Variants in TLE3 observed in about 807,000 individuals in gnomAD.
TLE3 encodes TLE family member 3, transcriptional corepressor, also known as transducin-like enhancer protein 3.
TLE3 carries 14 observed loss-of-function variants against 93.0 expected under a neutral mutation model. The observed-to-expected ratio is 0.15, with a 90% confidence interval of 0.10 to 0.24. The LOEUF is 0.24. Among genes scored for constraint, TLE3 ranks in the 10% least tolerant of loss-of-function variants. TLE3 has a pLI of 1.00. For missense variants in TLE3, 693 were observed against 1,046.6 expected, an observed-to-expected ratio of 0.66 and a Z score of 4.66; for synonymous variants, 451 against 425.0, an observed-to-expected ratio of 1.06 and a Z score of -0.75.
chr15:70,095,569 G>C lies in TLE3; in HGVS notation c.189+9C>G, dbSNP rs2058515720. On this transcript the variant is annotated intron_variant, in intron 3 of 19. Coordinates refer to ENST00000451782, the MANE Select transcript of TLE3 (RefSeq NM_001105192.3). ...CCAACCGCCCCCCAGGCCCGCGGCC[G>C]CATCTCACCATCACATAATGGCGCT... 1 of 1,550,272 alleles carries C rather than the reference G, an allele frequency of 6.5e-7. No homozygotes were observed. The highest frequency in any genetic ancestry group is 8.7e-7 in the Non-Finnish European group (1 of 1,146,306).
intron 4 of TLE3, among the ~76,000 whole-genome samples, chr15:70,076,707 A>G (rs1471218876): frequency 6.6e-6 from 1 of 151,954 alleles, no homozygotes; most frequent in Non-Finnish European, 1.5e-5. Context: ...AAATCCTACC[A>G]TTAAGCCTTC....
At chr15:70,059,329 CAG>C in intron 10 of TLE3, 79 bp downstream of exon 10, 1 of 1,500,964 alleles carries the variant, frequency 6.7e-7, no homozygotes, top group South Asian at 1.2e-5. Flanking sequence ...CTAGAACAGA[CAG>C]AATAGATCCC....
At chr15:70,092,919 T>C (rs538449301) in intron 4 of TLE3, among the ~76,000 whole-genome samples, 2 of 152,168 alleles carry the variant, frequency 1.3e-5, no homozygotes, top group East Asian at 3.9e-4. Flanking sequence ...TGGGTGCAAT[T>C]ACCCTCTTTA....
At chr15:70,090,777 C>T (rs929571949) in intron 4 of TLE3, among the ~76,000 whole-genome samples, 3 of 152,168 alleles carry the variant, frequency 2.0e-5, no homozygotes, top group Admixed American at 2.0e-4. Flanking sequence ...ATTATTATTA[C>T]ACACATCAAA....
chr15:70,081,040 A>T (rs182973099), intron 4 of TLE3, among the ~76,000 whole-genome samples: 72 of 152,282 alleles, frequency 4.7e-4, no homozygotes, highest in African/African-American at 1.7e-3. Context: ...CAGCCAAATA[A>T]AGGCAAGGAG....
intron 8 of TLE3, among the ~76,000 whole-genome samples, chr15:70,062,340 C>T (rs2056540326): frequency 1.3e-5 from 2 of 152,236 alleles, no homozygotes; most frequent in African/African-American, 4.8e-5. Context: ...AGCAGAAATG[C>T]TTCCAGCCCC....
In TLE3 at chr15:70,096,965, C is replaced by A; in HGVS notation, c.-167G>T. On this transcript the variant is annotated 5_prime_UTR_variant, in exon 1 of 20. Transcript: ENST00000451782. ...GCAGCGAAATCCCAGAGTCGGGCGC[C>A]CGCCCCAAGTGGAGACAAAGAGCCG... 1 of 809,344 alleles carries A rather than the reference C, an allele frequency of 1.2e-6. No homozygotes were observed. The highest frequency in any genetic ancestry group is 2.2e-5 in the Admixed American group (1 of 45,222). The allele number at this position is 809,344 out of a possible 1,614,324, so 50.1% of individuals were successfully genotyped here. A position where few individuals can be genotyped will look rare whatever the true frequency, so the allele number is the denominator to read the frequency against.
At chr15:70,060,417 T>C in intron 9 of TLE3, 113 bp downstream of exon 9, 1 of 1,429,138 alleles carries the variant, frequency 7.0e-7, no homozygotes. Context: ...CAACCTGTGC[T>C]TCTCTGACTC....
At chr15:70,077,073 G>A (rs779385575) in intron 4 of TLE3, among the ~76,000 whole-genome samples, 33 of 152,334 alleles carry the variant, frequency 2.2e-4, no homozygotes, top group Non-Finnish European at 4.1e-4. Context: ...GCTCAGAGAT[G>A]TAATTCATTA....
At position 70,058,118 on chromosome 15, in the gene TLE3, C is replaced by T. The variant is rs2291982; in HGVS notation, c.1051+41G>A. The stretch of plus-strand genomic sequence containing the variant: ...CTGGCCAAGAGCAGACCCCCTCCCC[C>T]CAATCAGATTAACCCAGCCCATGGT... On this transcript the variant is annotated intron_variant, in intron 12 of 19. Coordinates refer to ENST00000451782, the MANE Select transcript of TLE3 (RefSeq NM_001105192.3). This position sits in a 1 kb window ranked among gnomAD's most constrained non-coding sequence, Gnocchi z 4.1. The T allele has an allele frequency of 2.2e-5, 35 of 1,612,918 alleles. No individual in the cohort carries two copies. The highest frequency in any genetic ancestry group is 3.3e-4 in the Middle Eastern group (2 of 6,046).
rs2055363668 is a variant in TLE3 at position 70,049,831 on chromosome 15, T to C, written c.*266A>G. The C allele has an allele frequency of 2.7e-6, 1 of 367,764 alleles. No homozygotes were observed. Among genetic ancestry groups the C allele is most frequent in the South Asian group, 3.8e-5 (1 of 26,408 alleles). 22.8% of individuals were successfully genotyped at this position (367,764 alleles called of 1,614,324 possible). On this transcript the variant is annotated 3_prime_UTR_variant, in exon 20 of 20. Transcript: ENST00000451782. The stretch of plus-strand genomic sequence containing the variant: ...GGGAACCGGAGCCATAAGCCTCCAA[T>C]AAATCTATTTGTAGCAACTGCCAGC...
chr15:70,054,489 C>T lies in TLE3; in HGVS notation c.1775G>A (p.Cys592Tyr). ...CCAGACAGCAATGTTCCCATCGCTGCAGCAGGAGAAGCAGACTTTGGCGTC... is the reference window on the plus strand; with the variant it reads ...CCAGACAGCAATGTTCCCATCGCTGTAGCAGGAGAAGCAGACTTTGGCGTC... ...SPDAKVCFSCCSDGNIAVWDL... is the reference protein window; with the variant it reads ...SPDAKVCFSCYSDGNIAVWDL... The change falls in exon 16 of 20, where the codon TGC (cysteine) becomes TAC (tyrosine). Residue 592 changes from cysteine to tyrosine, a missense_variant. Around this residue, in one of 4 missense-constraint regions of TLE3, gnomAD observed 153 missense variants for 379.9 expected, o/e 0.40. Coordinates refer to ENST00000451782, the MANE Select transcript of TLE3 (RefSeq NM_001105192.3). 1 of 1,614,032 alleles carries T rather than the reference C, an allele frequency of 6.2e-7. No homozygotes were observed.
chr15:70,093,775 G>A (rs887239156), intron 4 of TLE3, among the ~76,000 whole-genome samples: 4 of 152,166 alleles, frequency 2.6e-5, no homozygotes, highest in South Asian at 2.1e-4. Context: ...ACAATACCAG[G>A]TAGTTTACAT....
chr15:70,097,282 TCCTAGAGGCGTCCGGG>T lies in TLE3; in HGVS notation c.-500_-485del. ...AAGCATCCGGGGCGCGCGGGTCCGA[TCCTAGAGGCGTCCGGG>T]CCTGGGGCTCGCGGCGAGAAGAGGA... On this transcript the variant is annotated 5_prime_UTR_variant, in exon 1 of 20. Coordinates refer to ENST00000451782, the MANE Select transcript of TLE3 (RefSeq NM_001105192.3). 1 of 401,440 alleles carries T rather than the reference TCCTAGAGGCGTCCGGG, an allele frequency of 2.5e-6. No individual in the cohort carries two copies. Among genetic ancestry groups the T allele is most frequent in the Non-Finnish European group, 4.4e-6 (1 of 228,620 alleles). 24.9% of individuals were successfully genotyped at this position (401,440 alleles called of 1,614,324 possible).
chr15:70,075,153 T>C (rs373176900), intron 5 of TLE3, among the ~76,000 whole-genome samples: 14 of 152,280 alleles, frequency 9.2e-5, no homozygotes, highest in African/African-American at 2.6e-4. Context: ...GATGAACAGA[T>C]AGAGAAAGAA....
chr15:70,052,537 G>C lies in TLE3; in HGVS notation c.1975-13C>G, dbSNP rs762688816. The C allele has an allele frequency of 1.2e-6, 2 of 1,611,114 alleles. No homozygotes were observed. Among genetic ancestry groups the C allele is most frequent in the Non-Finnish European group, 1.7e-6 (2 of 1,179,166 alleles). ...CCAGCGAGAAGATCTGCAGGTGGTGGGAGGGCAGATGGACTGAGCTCAGCA... is the reference window on the plus strand; with the variant it reads ...CCAGCGAGAAGATCTGCAGGTGGTGCGAGGGCAGATGGACTGAGCTCAGCA... On this transcript the variant is annotated splice_polypyrimidine_tract_variant and intron_variant, in intron 17 of 19. Transcript: ENST00000451782.
In TLE3 at chr15:70,073,331, C is replaced by G. The variant is rs570712418; in HGVS notation, c.372+1202G>C. Among the ~76,000 whole-genome samples, 7 of 152,312 alleles carry G rather than the reference C, an allele frequency of 4.6e-5. No individual in the cohort carries two copies. In the South Asian group the frequency reaches 1.4e-3, roughly 32 times the overall value. On this transcript the variant is annotated intron_variant, in intron 6 of 19. Transcript: ENST00000451782. ...TCGGGGGAGAACCATGACTAAAACACAGACCTCCAGGTCTCTGCCCCAGGC... is the reference window on the plus strand; with the variant it reads ...TCGGGGGAGAACCATGACTAAAACAGAGACCTCCAGGTCTCTGCCCCAGGC...
intron 6 of TLE3, 95 bp from the exon 7 acceptor site, chr15:70,066,313 C>T (rs1595911038): frequency 8.7e-7 from 1 of 1,146,612 alleles, no homozygotes; most frequent in South Asian, 1.7e-5. Context: ...TCTTCCCATT[C>T]CTCTTGCTCC....
In TLE3 at chr15:70,058,227, G is replaced by A. The variant is rs1235539587; in HGVS notation, c.983C>T (p.Thr328Ile). ...CCCTGGGGTCGTGCTGGTGCCTGGA[G>A]TTGGGGCGTCGTTCCTTGGGGTTGG... ...NTPTPRNDAPTPGTSTTPGLR... is the reference protein window; with the variant it reads ...NTPTPRNDAPIPGTSTTPGLR... Residue 328 changes from threonine (T) to isoleucine (I), a missense_variant, in exon 12 of 20, where the codon ACT becomes ATT. By Grantham distance (89) the Thr-to-Ile change is moderately conservative. Coordinates refer to ENST00000451782, the MANE Select transcript of TLE3 (RefSeq NM_001105192.3). The surrounding 1 kb of genome is among the most constrained non-coding windows in gnomAD (Gnocchi z 4.1). The A allele has an allele frequency of 1.9e-6, 3 of 1,613,816 alleles. No individual in the cohort carries two copies. Among genetic ancestry groups the A allele is most frequent in the Non-Finnish European group, 2.5e-6 (3 of 1,179,836 alleles).
Sources: allele counts gnomAD v4.1 joint callset (sites outside exome capture counted in the v4.1 genomes callset), GRCh38; gene constraint gnomAD v4.1.1; regional missense constraint gnomAD v4.1.1; non-coding constraint Gnocchi (gnomAD v3.1); transcripts MANE v1.5; gene names NCBI Gene and HGNC (gene_info 2026-07-23, HGNC 2026-07-21).